The following HYDIN variants were observed in gnomAD, a reference collection of about 807,000 sequenced individuals.
HYDIN encodes the protein HYDIN axonemal central pair apparatus protein, also known as axonemal central pair apparatus protein HYDIN.
A neutral mutation model predicts 403.9 loss-of-function variants in HYDIN; 132 were observed. The ratio of observed to expected loss-of-function variants is 0.33; its 90% CI spans 0.28 to 0.38. The LOEUF (loss-of-function observed/expected upper bound fraction) is 0.38, where lower values mean the gene tolerates loss of function less well. HYDIN is among the 10% of genes least tolerant of loss of function. The probability of loss-of-function intolerance (pLI) is 1.00; values close to 1 mark genes in which losing one functional copy is unlikely to be tolerated. For synonymous variants in HYDIN, 1,202 were observed against 1,891.7 expected, an observed-to-expected ratio of 0.64 and a Z score of 9.46; for missense variants, 2,827 against 5,009.5, an observed-to-expected ratio of 0.56 and a Z score of 13.15.
intron 1 of HYDIN, among the ~76,000 whole-genome samples, chr16:71,225,261 C>G (rs915255998): frequency 6.6e-6 from 1 of 152,150 alleles, no homozygotes; most frequent in African/African-American, 2.4e-5. Context: ...CAGACTTGAA[C>G]CCAAACCTGG....
rs1226502990 is a variant in HYDIN at position 70,834,063 on chromosome 16, A to G, written c.13503T>C (p.Ser4501=). 1.6e-5 allele frequency: 26 copies of G among 1,602,324 alleles called. No individual in the cohort carries two copies. Among genetic ancestry groups the G allele is most frequent in the Non-Finnish European group, 2.2e-5 (26 of 1,170,720 alleles). Residue 4501 remains serine (S), a synonymous_variant, in exon 79 of 86, where the codon TCT becomes TCC. Coordinates refer to ENST00000393567, the MANE Select transcript of HYDIN (RefSeq NM_001270974.2). ...FAPKKRVPPF[S]EEVFMECMGL... ...CCATGCATTCCATGAACACTTCCTCAGAGAAGGGAGGGACACGCTTCTTCG... is the reference window on the plus strand; with the variant it reads ...CCATGCATTCCATGAACACTTCCTCGGAGAAGGGAGGGACACGCTTCTTCG...
chr16:70,863,103 C>G lies in HYDIN; in HGVS notation c.11551G>C (p.Ala3851Pro). The G allele has an allele frequency of 1.2e-6, 2 of 1,614,034 alleles. No homozygotes were observed. Among genetic ancestry groups the G allele is most frequent in the Non-Finnish European group, 1.7e-6 (2 of 1,179,946 alleles). The stretch of plus-strand genomic sequence containing the variant: ...AATTTACCTTGGTGATCTGGTTTTG[C>G]AAAGCTGACTGCCTTTGAGGTATCT... ...SEDTSKAVSF[A>P]KPDHQGSAQK... The change falls in exon 68 of 86, where the codon GCA (alanine) becomes CCA (proline). Residue 3851 changes from alanine (A) to proline (P), a missense_variant. Transcript: ENST00000393567.
intron 57 of HYDIN, among the ~76,000 whole-genome samples, chr16:70,890,594 G>T (rs1475488972): frequency 2.0e-5 from 3 of 151,882 alleles, no homozygotes; most frequent in Non-Finnish European, 4.4e-5. Flanking sequence ...TTATTTAAAA[G>T]AATTAACTAG....
chr16:71,103,953 C>G (rs1309031780), intron 10 of HYDIN, among the ~76,000 whole-genome samples: 1 of 152,164 alleles, frequency 6.6e-6, no homozygotes, highest in Non-Finnish European at 1.5e-5. Flanking sequence ...TCTCATTAAT[C>G]TTTCATAGTT....
chr16:70,923,033 G>A (rs1405614547), intron 45 of HYDIN, among the ~76,000 whole-genome samples: 16 of 152,060 alleles, frequency 1.1e-4, no homozygotes, highest in African/African-American at 2.6e-4. Flanking sequence ...CTCCCAAAGT[G>A]TTGGGATTAC....
At chr16:70,817,405 T>C (rs2035908859) in intron 84 of HYDIN, 2 of 151,742 alleles carry the variant, frequency 1.3e-5, no homozygotes, top group South Asian at 4.2e-4. Context: ...TTTTTCAGGA[T>C]AACTAGACAT....
rs532513938 is a variant in HYDIN at position 71,082,657 on chromosome 16, C to T, written c.1671-2705G>A. 9.7e-4 allele frequency among the ~76,000 whole-genome samples: 145 copies of T among 149,534 alleles called. 1 individual carries two copies. The highest frequency in any genetic ancestry group is 6.8e-3 in the Middle Eastern group (2 of 294). On this transcript the variant is annotated intron_variant, in intron 12 of 85. Transcript: ENST00000393567. ...CTTGTGAGCAGATTCCTGGGAGATC[C>T]CTAAATCCTATTATTCCCAATGGAA...
At chr16:70,818,911 G>GCTTT (rs766444886) in intron 83 of HYDIN, among the ~76,000 whole-genome samples, 76 of 152,170 alleles carry the variant, frequency 5.0e-4, no homozygotes, top group African/African-American at 8.2e-4. Context: ...CTTTCAATGG[G>GCTTT]CTTTCTTTCT....
intron 1 of HYDIN, among the ~76,000 whole-genome samples, chr16:71,193,900 A>G (rs1287181012): frequency 6.6e-6 from 1 of 152,148 alleles, no homozygotes; most frequent in Non-Finnish European, 1.5e-5. Flanking sequence ...TTTGCAGAAA[A>G]GCCAGCAAAA....
intron 12 of HYDIN, among the ~76,000 whole-genome samples, chr16:71,081,461 T>G (rs2082783602): frequency 6.6e-6 from 1 of 151,874 alleles, no homozygotes; most frequent in Admixed American, 6.6e-5. Flanking sequence ...GCCGACAGGC[T>G]ATATGCTTCA....
chr16:71,223,265 G>A (rs1037306541), intron 1 of HYDIN, among the ~76,000 whole-genome samples: 4 of 152,126 alleles, frequency 2.6e-5, no homozygotes, highest in African/African-American at 9.7e-5. Context: ...AAACTGGCAA[G>A]CCACATGTAG....
At chr16:70,854,208 G>A (rs886602655) in intron 73 of HYDIN, among the ~76,000 whole-genome samples, 12 of 151,990 alleles carry the variant, frequency 7.9e-5, no homozygotes, top group African/African-American at 1.2e-4. Context: ...ACAACTACAT[G>A]TGAATTTACA....
intron 53 of HYDIN, among the ~76,000 whole-genome samples, chr16:70,898,353 C>T (rs2076267367): frequency 6.6e-6 from 1 of 152,062 alleles, no homozygotes; most frequent in Non-Finnish European, 1.5e-5. Context: ...TGTGGGACTC[C>T]AGGCCCTACA....
intron 73 of HYDIN, among the ~76,000 whole-genome samples, chr16:70,851,681 A>C (rs2038667966): frequency 6.7e-6 from 1 of 149,742 alleles, no homozygotes; most frequent in African/African-American, 2.5e-5. Flanking sequence ...TTCTCTAAGA[A>C]CTTAAAACAG....
At chr16:71,172,797 G>GT (rs1484988156) in intron 5 of HYDIN, among the ~76,000 whole-genome samples, 35 of 152,322 alleles carry the variant, frequency 2.3e-4, no homozygotes, top group Middle Eastern at 3.4e-3. Context: ...AGAATGGAGA[G>GT]TGTTCACATC....
intron 9 of HYDIN, among the ~76,000 whole-genome samples, chr16:71,126,612 G>C (rs2084472180): frequency 6.6e-6 from 1 of 151,530 alleles, no homozygotes; most frequent in Non-Finnish European, 1.5e-5. Flanking sequence ...TCCTCCTGAG[G>C]ATGGGTGGCC....
In HYDIN at chr16:70,943,929, G is replaced by A. The variant is rs368359335; in HGVS notation, c.6552C>T (p.Pro2184=). The A allele has an allele frequency of 8.7e-6, 14 of 1,610,944 alleles. No individual in the cohort carries two copies. Among genetic ancestry groups the A allele is most frequent in the Non-Finnish European group, 1.1e-5 (13 of 1,178,874 alleles). ...TGAGCCAGCGGTGGATGGGCCCCGG[G>A]GGGAGAGGGCTGGAGGAAATCTGTT... is the stretch of plus-strand genomic sequence containing the variant. ...ETPQISSSPL[P]PGPIHRWLSV... Residue 2184 remains proline (P), a synonymous_variant, in exon 42 of 86, where the codon CCC becomes CCT. Transcript: ENST00000393567.
At chr16:71,172,983 G>C (rs2086528498) in intron 5 of HYDIN, among the ~76,000 whole-genome samples, 1 of 152,212 alleles carries the variant, frequency 6.6e-6, no homozygotes, top group Admixed American at 6.5e-5. Flanking sequence ...AACCCTAGCA[G>C]GTCATTCTGC....
intron 45 of HYDIN, among the ~76,000 whole-genome samples, chr16:70,926,266 G>A (rs1228797197): frequency 2.0e-5 from 3 of 152,012 alleles, no homozygotes; most frequent in Admixed American, 6.6e-5. Flanking sequence ...AGACACCATG[G>A]AATACTATGC....
Sources: allele counts gnomAD v4.1 joint callset (sites outside exome capture counted in the v4.1 genomes callset), GRCh38; gene constraint gnomAD v4.1.1; transcripts MANE v1.5; gene names NCBI Gene and HGNC (gene_info 2026-07-23, HGNC 2026-07-21).